CSMD1: variants seen among roughly 807,000 people sequenced by gnomAD.
CSMD1 encodes the protein CUB and Sushi multiple domains 1.
A neutral mutation model predicts 417.5 loss-of-function variants in CSMD1; 213 were observed. The observed-to-expected ratio is 0.51, with a 90% CI of 0.46 to 0.57. The LOEUF is 0.57. Ranked by LOEUF, CSMD1 falls within the 20% of genes least tolerant of loss-of-function variation. CSMD1 has a pLI of 0.00. For missense variants in CSMD1, 6,923 were observed against 4,529.7 expected (o/e 1.53, Z -15.17); for synonymous variants, 2,862 against 1,736.8 (o/e 1.65, Z -16.11).
In CSMD1 at chr8:2,973,163, C is replaced by G; in HGVS notation, c.8877G>C (p.Thr2959=). ...CTGACCATGACCCATTGAGCAAACA[C>G]GTGCGTTCAGGGGAGCCCCTCAGCT... is the stretch of plus-strand genomic sequence containing the variant. ...GHQLRGSPER[T]CLLNGSWSGL... is the part of the protein sequence containing the mutation. Residue 2959 remains threonine, a synonymous_variant, in exon 57 of 70, where the codon ACG becomes ACC. Coordinates refer to ENST00000635120, the MANE Select transcript of CSMD1 (RefSeq NM_033225.6). The G allele has an allele frequency of 1.2e-6, 2 of 1,613,754 alleles. No individual in the cohort carries two copies. Among genetic ancestry groups the G allele is most frequent in the Non-Finnish European group, 8.5e-7 (1 of 1,179,724 alleles).
intron 25 of CSMD1, among the ~76,000 whole-genome samples, chr8:3,301,456 G>C (rs1418180019): frequency 6.6e-6 from 1 of 152,062 alleles, no homozygotes; most frequent in Non-Finnish European, 1.5e-5. Flanking sequence ...CAGAAGGAAG[G>C]TAACTGATGA....
At chr8:4,706,407 A>C (rs1403568919) in intron 1 of CSMD1, among the ~76,000 whole-genome samples, 3 of 152,236 alleles carry the variant, frequency 2.0e-5, no homozygotes, top group African/African-American at 7.2e-5. Flanking sequence ...GTGTATAATG[A>C]AATTGCTATA....
intron 5 of CSMD1, among the ~76,000 whole-genome samples, chr8:3,977,291 C>G (rs778919208): frequency 2.0e-5 from 3 of 152,252 alleles, no homozygotes; most frequent in Non-Finnish European, 2.9e-5. Flanking sequence ...TGTGGGTTCC[C>G]TGAAGACAGA....
At chr8:3,610,572 G>C (rs1369370150) in intron 8 of CSMD1, among the ~76,000 whole-genome samples, 2 of 152,200 alleles carry the variant, frequency 1.3e-5, no homozygotes, top group Admixed American at 6.5e-5. Flanking sequence ...TATAAATATA[G>C]GTCATGTACA....
intron 3 of CSMD1, among the ~76,000 whole-genome samples, chr8:4,157,443 A>T (rs755910177): frequency 2.0e-5 from 3 of 151,536 alleles, no homozygotes; most frequent in Admixed American, 6.6e-5. Flanking sequence ...ATTTTCCCCT[A>T]CCTCCTTCCC....
chr8:4,057,541 G>C (rs1237580182), intron 3 of CSMD1, among the ~76,000 whole-genome samples: 1 of 152,010 alleles, frequency 6.6e-6, no homozygotes, highest in East Asian at 1.9e-4. Context: ...AGTTTAATTA[G>C]ATCCCATTTG....
chr8:4,401,739 G>T lies in CSMD1; in HGVS notation c.415+18214C>A, dbSNP rs13280088. ...TGAGAATTCCCTTAACATTCCACCT[G>T]AAGCTGGCGTCCCCTCTCTTGAACA... On this transcript the variant is annotated intron_variant, in intron 3 of 69. Coordinates refer to ENST00000635120, the MANE Select transcript of CSMD1 (RefSeq NM_033225.6). Among the ~76,000 whole-genome samples the T allele has an allele frequency of 7.8e-3, 1,193 of 152,126 alleles. 4 individuals are homozygous for T. Among genetic ancestry groups the T allele is most frequent in the Admixed American group, 0.011 (171 of 15,272 alleles).
chr8:4,386,027 C>T (rs1018250618), intron 3 of CSMD1, among the ~76,000 whole-genome samples: 4 of 152,078 alleles, frequency 2.6e-5, no homozygotes, highest in Non-Finnish European at 4.4e-5. Context: ...TTTATCACTA[C>T]GATTTCTCCA....
chr8:4,721,486 G>A (rs1001751100), intron 1 of CSMD1, among the ~76,000 whole-genome samples: 15 of 152,046 alleles, frequency 9.9e-5, no homozygotes, highest in African/African-American at 3.6e-4. Context: ...CTTATCACCA[G>A]GGATATACAA....
intron 23 of CSMD1, among the ~76,000 whole-genome samples, chr8:3,329,696 G>C (rs547082213): frequency 6.6e-5 from 10 of 152,220 alleles, no homozygotes; most frequent in Admixed American, 6.5e-4. Flanking sequence ...CCCAGCCCCG[G>C]GGCCGCATGG....
intron 1 of CSMD1, among the ~76,000 whole-genome samples, chr8:4,858,042 A>G (rs1801906691): frequency 6.6e-6 from 1 of 152,302 alleles, no homozygotes; most frequent in Non-Finnish European, 1.5e-5. Flanking sequence ...CGAATGCAGC[A>G]GCACATCAAA....
intron 5 of CSMD1, among the ~76,000 whole-genome samples, chr8:3,799,697 G>C (rs1195513870): frequency 6.6e-6 from 1 of 151,110 alleles, no homozygotes; most frequent in Non-Finnish European, 1.5e-5. Context: ...TGACAGTTAA[G>C]TCTGCCAGCT....
chr8:3,960,462 C>T (rs771465719), intron 5 of CSMD1, among the ~76,000 whole-genome samples: 1 of 151,892 alleles, frequency 6.6e-6, no homozygotes, highest in African/African-American at 2.4e-5. Flanking sequence ...AACACAGGGG[C>T]GAATATTATT....
chr8:4,296,060 G>A (rs1797664547), intron 3 of CSMD1, among the ~76,000 whole-genome samples: 1 of 151,972 alleles, frequency 6.6e-6, no homozygotes, highest in Non-Finnish European at 1.5e-5. Context: ...GACTGAAGGA[G>A]CCCTTAAAAT....
intron 4 of CSMD1, among the ~76,000 whole-genome samples, chr8:4,010,544 C>T (rs1277040199): frequency 6.6e-6 from 1 of 152,136 alleles, no homozygotes; most frequent in Admixed American, 6.5e-5. Flanking sequence ...CACCCTCTAT[C>T]TTCTCACTAC....
At chr8:4,097,656 A>G (rs529845105) in intron 3 of CSMD1, among the ~76,000 whole-genome samples, 7 of 152,334 alleles carry the variant, frequency 4.6e-5, no homozygotes, top group African/African-American at 1.7e-4. Flanking sequence ...AAAACTTTAA[A>G]AGATGTTCTT....
intron 7 of CSMD1, among the ~76,000 whole-genome samples, chr8:3,664,504 T>C (rs1221410953): frequency 6.6e-6 from 1 of 152,196 alleles, no homozygotes; most frequent in Non-Finnish European, 1.5e-5. Flanking sequence ...ATATGTAAAA[T>C]ATCCTCCAGG....
At chr8:4,940,964 T>A (rs918505976) in intron 1 of CSMD1, among the ~76,000 whole-genome samples, 1 of 152,170 alleles carries the variant, frequency 6.6e-6, no homozygotes, top group East Asian at 1.9e-4. Flanking sequence ...CTAGATGGAT[T>A]TTTCAAATGT....
intron 5 of CSMD1, among the ~76,000 whole-genome samples, chr8:3,925,191 G>C (rs1174803648): frequency 2.6e-5 from 4 of 152,184 alleles, no homozygotes; most frequent in Non-Finnish European, 5.9e-5. Context: ...AAAGAAATGT[G>C]TGTGTTTTCA....
Sources: allele counts gnomAD v4.1 joint callset (sites outside exome capture counted in the v4.1 genomes callset), GRCh38; gene constraint gnomAD v4.1.1; transcripts MANE v1.5; gene names NCBI Gene and HGNC (gene_info 2026-07-23, HGNC 2026-07-21).